The following HHIPL2 variants were observed in gnomAD, a reference collection of about 807,000 sequenced individuals.
HHIPL2 encodes HHIP-like protein 2.
In HHIPL2, 61 loss-of-function variants were observed where a neutral mutation model predicts 61.0. That is an observed-to-expected ratio of 1.00 (90% confidence interval 0.81 to 1.24). The LOEUF is 1.24. Ranked by LOEUF, HHIPL2 falls within the 50% of genes most tolerant of loss-of-function variation. HHIPL2 has a pLI of 0.00. For missense variants in HHIPL2, 885 were observed against 910.2 expected, an observed-to-expected ratio of 0.97 and a Z score of 0.36; for synonymous variants, 343 against 357.4, an observed-to-expected ratio of 0.96 and a Z score of 0.45.
At chr1:222,537,731 T>A (rs770112622) in intron 5 of HHIPL2, among the ~76,000 whole-genome samples, 6 of 151,614 alleles carry the variant, frequency 4.0e-5, no homozygotes, top group Non-Finnish European at 8.8e-5. Context: ...AAAAAAGCTA[T>A]CAGAATGAAC....
At chr1:222,524,522 T>C (rs901480990) in intron 7 of HHIPL2, among the ~76,000 whole-genome samples, 1 of 152,248 alleles carries the variant, frequency 6.6e-6, no homozygotes, top group Admixed American at 6.5e-5. Context: ...GTAAGTACTA[T>C]TATTATACTC....
Position 222,523,697 on chromosome 1 carries a change from A to T in HHIPL2, c.1806-3T>A. 6.2e-7 allele frequency: 1 copy of T among 1,614,068 alleles called. No individual in the cohort carries two copies. On this transcript the variant is annotated splice_region_variant and splice_polypyrimidine_tract_variant and intron_variant, in intron 7 of 8. Coordinates refer to ENST00000343410, the MANE Select transcript of HHIPL2 (RefSeq NM_024746.4). Reference sequence around the variant, plus strand: ...TGCACTTGCCTGGGGGTGCTCGCCTAAAAACACAAACAGAAAGCATGAGGA... The same window carrying T: ...TGCACTTGCCTGGGGGTGCTCGCCTTAAAACACAAACAGAAAGCATGAGGA...
At chr1:222,540,452 G>T in intron 3 of HHIPL2, 111 bp from the exon 4 acceptor site, 2 of 778,474 alleles carry the variant, frequency 2.6e-6, no homozygotes, top group Non-Finnish European at 4.1e-6. Flanking sequence ...GACTGCTAAG[G>T]ATCCCATGGG....
chr1:222,530,814 A>G (rs1172998610), intron 6 of HHIPL2, among the ~76,000 whole-genome samples: 1 of 151,308 alleles, frequency 6.6e-6, no homozygotes, highest in African/African-American at 2.4e-5. Flanking sequence ...TTTTTCACCT[A>G]TAGAGAATCT....
At position 222,525,055 on chromosome 1, in the gene HHIPL2, C is replaced by T. The variant is rs923173644; in HGVS notation, c.1806-1361G>A. ...CACATGCACAGCACTTAGTACAGTG[C>T]CTGGCACACAGGAGTAACTCCATAA... On this transcript the variant is annotated intron_variant, in intron 7 of 8. Coordinates refer to ENST00000343410, the MANE Select transcript of HHIPL2 (RefSeq NM_024746.4). 6.6e-5 allele frequency: 10 copies of T among 151,946 alleles called. No homozygotes were observed. In the East Asian group the frequency reaches 1.6e-3, roughly 24 times the overall value. The allele number at this position is 151,946 out of a possible 1,614,324, so 9.4% of individuals were successfully genotyped here. A position where few individuals can be genotyped will look rare whatever the true frequency, so the allele number is the denominator to read the frequency against.
At chr1:222,538,819 T>G in intron 4 of HHIPL2, 45 bp from the exon 5 acceptor site, 1 of 1,606,808 alleles carries the variant, frequency 6.2e-7, no homozygotes, top group Non-Finnish European at 8.5e-7. Context: ...GGCCTAAAAT[T>G]GAAAGCTTCA....
rs1658997554 is a variant in HHIPL2, at chr1:222,523,476, G to A, written c.1888+136C>T. 10 of 737,254 alleles carry A rather than the reference G, an allele frequency of 1.4e-5. No homozygotes were observed. In the East Asian group the frequency reaches 2.3e-4, roughly 17 times the overall value. 45.7% of individuals were successfully genotyped at this position (737,254 alleles called of 1,614,324 possible). On this transcript the variant is annotated intron_variant, in intron 8 of 8. Transcript: ENST00000343410. Reference sequence around the variant, plus strand: ...CTTACACTCATAACTCCTCTGTTATGCAGAGGAGACGTATAGACTTAGTTT... The same window carrying A: ...CTTACACTCATAACTCCTCTGTTATACAGAGGAGACGTATAGACTTAGTTT...
intron 7 of HHIPL2, 94 bp from the exon 8 acceptor site, chr1:222,523,788 G>T (rs1009923646): frequency 8.7e-5 from 104 of 1,189,082 alleles, no homozygotes; most frequent in Non-Finnish European, 2.0e-5. Context: ...GCAAGAATTG[G>T]GGTCAGCCTT....
At chr1:222,526,186 T>C (rs924849439) in intron 7 of HHIPL2, among the ~76,000 whole-genome samples, 31 of 151,686 alleles carry the variant, frequency 2.0e-4, no homozygotes, top group African/African-American at 6.5e-4. Context: ...CTGAGACAGA[T>C]AGGCAAAGAA....
chr1:222,522,467 G>A lies in HHIPL2; in HGVS notation c.*134C>T, dbSNP rs1658971559. 2.4e-6 allele frequency: 2 copies of A among 829,648 alleles called. No homozygotes were observed. The highest frequency in any genetic ancestry group is 1.7e-5 in the South Asian group (1 of 60,060). The allele number at this position is 829,648 out of a possible 1,614,324, so 51.4% of individuals were successfully genotyped here. ...TTCAGTAGACAGCAAGATTTCCCAG[G>A]GAGAGGAAAACCGCCCTGCCCCACC... On this transcript the variant is annotated 3_prime_UTR_variant, in exon 9 of 9. Coordinates refer to ENST00000343410, the MANE Select transcript of HHIPL2 (RefSeq NM_024746.4).
intron 5 of HHIPL2, among the ~76,000 whole-genome samples, chr1:222,538,246 G>GTGTGTGTGTGTA (rs1196912536): frequency 1.6e-5 from 2 of 125,740 alleles, no homozygotes; most frequent in African/African-American, 3.2e-5. Context: ...GTGTGTGTGT[G>GTGTGTGTGTGTA]TGTATGTATG....
intron 5 of HHIPL2, among the ~76,000 whole-genome samples, chr1:222,536,155 G>T (rs1053992197): frequency 2.0e-5 from 3 of 150,912 alleles, no homozygotes; most frequent in East Asian, 3.9e-4. Context: ...AGAAATCAAT[G>T]AAATAGAAAA....
rs747578037 is a variant in HHIPL2 at position 222,547,763 on chromosome 1, A to G, written c.282T>C (p.His94=). ...DIMEYFDLKR[H]ELCGDYIKDI... ...CTTTAATGTAATCTCCACACAGCTC[A>G]TGTCTCTTCAGATCAAAATATTCCA... Residue 94 remains histidine, a synonymous_variant, in exon 1 of 9, where the codon CAT becomes CAC. Coordinates refer to ENST00000343410, the MANE Select transcript of HHIPL2 (RefSeq NM_024746.4). 2 of 1,613,112 alleles carry G rather than the reference A, an allele frequency of 1.2e-6. No individual in the cohort carries two copies. The highest frequency in any genetic ancestry group is 1.7e-6 in the Non-Finnish European group (2 of 1,179,174).
chr1:222,542,270 G>C, intron 2 of HHIPL2, 115 bp from the exon 3 acceptor site: 1 of 1,210,108 alleles, frequency 8.3e-7, no homozygotes. Context: ...AGCCAGCCAA[G>C]ACCTGCTTCT....
Position 222,540,161 on chromosome 1 carries a change from C to G in HHIPL2, c.1299G>C (p.Thr433=), listed in dbSNP as rs3748664. The G allele has an allele frequency of 0.31, 497,235 of 1,614,128 alleles. 81,144 individuals are homozygous for G. Among genetic ancestry groups the G allele is most frequent in the East Asian group, 0.54 (24,367 of 44,874 alleles). ...RCAVDRGDPI[T]RQGRGRIFCG... Reference sequence around the variant, plus strand: ...AGAATATCCGGCCTCGGCCCTGGCGCGTGATGGGGTCCCCTCGGTCCACAG... The same window carrying G: ...AGAATATCCGGCCTCGGCCCTGGCGGGTGATGGGGTCCCCTCGGTCCACAG... Residue 433 remains threonine (T), a synonymous_variant, in exon 4 of 9, where the codon ACG becomes ACC. Coordinates refer to ENST00000343410, the MANE Select transcript of HHIPL2 (RefSeq NM_024746.4).
intron 4 of HHIPL2, chr1:222,539,169 A>C (rs1048013484): frequency 5.9e-6 from 1 of 170,510 alleles, no homozygotes; most frequent in Admixed American, 5.9e-5. Flanking sequence ...AGAAGAAGTA[A>C]TAGAGTCAGA....
Position 222,522,591 on chromosome 1 carries a change from G to A in HHIPL2, c.*10C>T. On this transcript the variant is annotated 3_prime_UTR_variant, in exon 9 of 9. Transcript: ENST00000343410. ...CTCACGTCACCCTGTCGGCCACCTT[G>A]ACCAATAGGTCAAGGGAGACTTCTG... The A allele has an allele frequency of 6.2e-7, 1 of 1,609,042 alleles. No individual in the cohort carries two copies. Among genetic ancestry groups the A allele is most frequent in the Non-Finnish European group, 8.5e-7 (1 of 1,179,204 alleles).
Position 222,540,130 on chromosome 1 carries a change from C to A in HHIPL2, c.1330G>T (p.Asp444Tyr). 6.2e-7 allele frequency: 1 copy of A among 1,614,282 alleles called. No homozygotes were observed. The highest frequency in any genetic ancestry group is 8.5e-7 in the Non-Finnish European group (1 of 1,180,046). Reference protein sequence around the residue: ...RQGRGRIFCGDVGQNRFEEVD... With the variant: ...RQGRGRIFCGYVGQNRFEEVD... ...TCTTCAAACCTGTTCTGGCCCACGT[C>A]CCCACAGAATATCCGGCCTCGGCCC... The change falls in exon 4 of 9, where the codon GAC becomes TAC. Residue 444 changes from aspartate (D) to tyrosine (Y), a missense_variant. By Grantham distance (160) the Asp-to-Tyr change is radical. Transcript: ENST00000343410.
intron 1 of HHIPL2, among the ~76,000 whole-genome samples, chr1:222,544,972 G>A (rs17463531): frequency 0.12 from 17,995 of 152,218 alleles, 1,278 homozygotes; most frequent in Non-Finnish European, 0.16. Flanking sequence ...TTTGAATTGT[G>A]GCTATAGGGC....
Sources: allele counts gnomAD v4.1 joint callset (sites outside exome capture counted in the v4.1 genomes callset), GRCh38; gene constraint gnomAD v4.1.1; transcripts MANE v1.5; gene names NCBI Gene and HGNC (gene_info 2026-07-23, HGNC 2026-07-21).